Variants in PPL observed in about 807,000 individuals in gnomAD.
PPL encodes 190 kDa paraneoplastic pemphigus antigen.
In PPL, 198 loss-of-function variants were observed where a neutral mutation model predicts 194.4. The observed-to-expected ratio is 1.02, with a 90% confidence interval of 0.91 to 1.15. The LOEUF is 1.15. Among genes scored for constraint, PPL ranks in the 50% most tolerant of loss-of-function variants. The pLI, the probability that PPL is intolerant of heterozygous loss-of-function variation, is 0.00. For missense variants in PPL, 2,885 were observed against 2,294.8 expected (o/e 1.26, Z -5.25); for synonymous variants, 1,220 against 972.4 (o/e 1.25, Z -4.74).
chr16:4,890,460 C>T, intron 17 of PPL, 126 bp from the exon 18 acceptor site: 2 of 1,269,504 alleles, frequency 1.6e-6, no homozygotes, highest in Non-Finnish European at 2.1e-6. Context: ...ATCTCCCACA[C>T]AGGGTGGGTG....
chr16:4,923,483 G>A (rs1358470948), intron 1 of PPL, among the ~76,000 whole-genome samples: 1 of 152,152 alleles, frequency 6.6e-6, no homozygotes, highest in Non-Finnish European at 1.5e-5. Context: ...CAACCTTCCA[G>A]CCATCAGCGA....
chr16:4,886,153 C>A, intron 21 of PPL, 106 bp from the exon 22 acceptor site: 1 of 1,352,388 alleles, frequency 7.4e-7, no homozygotes, highest in South Asian at 1.3e-5. Flanking sequence ...CAAGGGACTC[C>A]CTCAGTGCCA....
Position 4,883,519 on chromosome 16 carries a change from G to A in PPL, c.5136C>T (p.Asp1712=). The A allele has an allele frequency of 1.9e-6, 3 of 1,614,202 alleles. No homozygotes were observed. The highest frequency in any genetic ancestry group is 2.5e-6 in the Non-Finnish European group (3 of 1,180,038). Residue 1712 remains aspartate, a synonymous_variant, in exon 22 of 22, where the codon GAC becomes GAT. Transcript: ENST00000345988. This position sits in a 1 kb window ranked among gnomAD's most constrained non-coding sequence, Gnocchi z 4.8. ...GPNGESSVIH[D]RKSGKKFSIE... Reference sequence around the variant, plus strand: ...TGGAGAACTTCTTGCCAGACTTCCTGTCGTGTATCACTGAGGACTCCCCAT... The same window carrying A: ...TGGAGAACTTCTTGCCAGACTTCCTATCGTGTATCACTGAGGACTCCCCAT...
At chr16:4,895,087 G>A (rs752326857) in intron 11 of PPL, among the ~76,000 whole-genome samples, 174 bp downstream of exon 11, 1 of 152,206 alleles carries the variant, frequency 6.6e-6, no homozygotes, top group Admixed American at 6.5e-5. Flanking sequence ...GGGCAGCCGA[G>A]GTGGGGGCGG....
At chr16:4,911,623 C>T (rs1441229408) in intron 1 of PPL, among the ~76,000 whole-genome samples, 3 of 152,216 alleles carry the variant, frequency 2.0e-5, no homozygotes, top group African/African-American at 7.2e-5. Flanking sequence ...CAGCCTCTAT[C>T]TCCCAGGCTC....
chr16:4,906,556 T>A (rs540215102), intron 2 of PPL, among the ~76,000 whole-genome samples: 1 of 152,312 alleles, frequency 6.6e-6, no homozygotes, highest in East Asian at 1.9e-4. Context: ...CACTCCATTA[T>A]CACCAGCTTC....
rs767313706 is a variant in PPL, at chr16:4,893,315, G to A, written c.1548C>T (p.Ser516=). The A allele has an allele frequency of 1.2e-5, 19 of 1,607,686 alleles. No homozygotes were observed. Among genetic ancestry groups the A allele is most frequent in the Middle Eastern group, 1.7e-4 (1 of 5,858 alleles). Residue 516 remains serine (S), a synonymous_variant, in exon 14 of 22, where the codon AGC becomes AGT. Coordinates refer to ENST00000345988, the MANE Select transcript of PPL (RefSeq NM_002705.5). Reference sequence around the variant, plus strand: ...TGGCCTTCTCCTGCCGGTCCAGGTCGCTGGCCACCTTGTCCAAGCCAGCCA... The same window carrying A: ...TGGCCTTCTCCTGCCGGTCCAGGTCACTGGCCACCTTGTCCAAGCCAGCCA... ...QLLAGLDKVA[S]DLDRQEKAIT... is the part of the protein sequence containing the mutation.
At position 4,909,481 on chromosome 16, in the gene PPL, C is replaced by T. The variant is rs977257078; in HGVS notation, c.162+1369G>A. Among the ~76,000 whole-genome samples, 3 of 147,762 alleles carry T rather than the reference C, an allele frequency of 2.0e-5. No homozygotes were observed. In the Admixed American group the frequency reaches 2.0e-4, roughly 10 times the overall value. On this transcript the variant is annotated intron_variant, in intron 2 of 21. Coordinates refer to ENST00000345988, the MANE Select transcript of PPL (RefSeq NM_002705.5). ...TTACTCTGTTGCCCAGGCTGGAGCG[C>T]AGTGGCACGATCTTGGCTCACTGCA...
intron 1 of PPL, among the ~76,000 whole-genome samples, chr16:4,922,876 T>C (rs2089078664): frequency 6.6e-6 from 1 of 152,148 alleles, no homozygotes; most frequent in Admixed American, 6.5e-5. Context: ...CCTCAGAATT[T>C]GGAACCATCT....
chr16:4,903,749 A>T (rs2084211103), intron 3 of PPL, 137 bp downstream of exon 3: 2 of 991,996 alleles, frequency 2.0e-6, no homozygotes, highest in Non-Finnish European at 3.0e-6. Flanking sequence ...GGATCATGTG[A>T]AGCCTTTGGC....
chr16:4,889,062 C>A lies in PPL; in HGVS notation c.2314-1G>T. ...TACTTGCTATCTCATCTAGCAGGTT[C>A]TGTAAGACAGAGTTTAAAAATCAAA... On this transcript the variant is annotated splice_acceptor_variant, in intron 18 of 21. Transcript: ENST00000345988. LOFTEE classifies it high-confidence loss of function. The A allele has an allele frequency of 6.2e-7, 1 of 1,612,706 alleles. No individual in the cohort carries two copies. The highest frequency in any genetic ancestry group is 1.1e-5 in the South Asian group (1 of 91,046).
chr16:4,884,691 G>A lies in PPL; in HGVS notation c.3964C>T (p.Gln1322Ter). 1 of 1,614,102 alleles carries A rather than the reference G, an allele frequency of 6.2e-7. No homozygotes were observed. The highest frequency in any genetic ancestry group is 2.2e-5 in the East Asian group (1 of 44,856). The part of the protein sequence containing the change: ...RAKLSEEQKK[Q>*]VDLERERASQ... ...GCTCTTTCCCTCTCCAGATCCACTT[G>A]TTTCTTCTGCTCCTCTGAGAGCTTT... The change falls in exon 22 of 22, where the codon CAA (glutamine) becomes TAA (stop). Residue 1322 changes from glutamine (Q) to a stop codon, truncating the protein, a stop_gained. Coordinates refer to ENST00000345988, the MANE Select transcript of PPL (RefSeq NM_002705.5). LOFTEE classifies it high-confidence loss of function. This position sits in a 1 kb window ranked among gnomAD's most constrained non-coding sequence, Gnocchi z 5.7.
chr16:4,889,229 T>TTTTTGTTG (rs1555519100), intron 18 of PPL, among the ~76,000 whole-genome samples, 168 bp from the exon 19 acceptor site: 18 of 93,520 alleles, frequency 1.9e-4, no homozygotes, highest in South Asian at 3.5e-4. Flanking sequence ...AGGCAGTTTT[T>TTTTTGTTG]TTGTTGTTGT....
At chr16:4,926,318 C>A (rs75512319) in intron 1 of PPL, among the ~76,000 whole-genome samples, 4,267 of 152,226 alleles carry the variant, frequency 0.028, 161 homozygotes, top group African/African-American at 0.087. Context: ...TCGACCCCAC[C>A]CCACCAACTC....
chr16:4,888,804 A>G lies in PPL; in HGVS notation c.2397+174T>C, dbSNP rs933581854. 8.9e-6 allele frequency: 6 copies of G among 676,084 alleles called. No individual in the cohort carries two copies. The African/African-American group carries it at 8.9e-5, about 10-fold the overall frequency. The allele number at this position is 676,084 out of a possible 1,614,324, so 41.9% of individuals were successfully genotyped here. On this transcript the variant is annotated intron_variant, in intron 19 of 21. Coordinates refer to ENST00000345988, the MANE Select transcript of PPL (RefSeq NM_002705.5). Reference sequence around the variant, plus strand: ...AACCCTTTTACAGCATTCCATGTCTAGTACCATGCTGTTTTCCCAAAAGCC... The same window carrying G: ...AACCCTTTTACAGCATTCCATGTCTGGTACCATGCTGTTTTCCCAAAAGCC...
At chr16:4,894,302 A>G (rs2734733) in intron 12 of PPL, among the ~76,000 whole-genome samples, 165 bp downstream of exon 12, 133,179 of 152,202 alleles carry the variant, frequency 0.88, 61,047 homozygotes, top group East Asian at 1. Context: ...GCTGGCCCAC[A>G]ATCTGCCCCT....
rs767387677 is a variant in PPL, at chr16:4,897,763, A to G, written c.884T>C (p.Met295Thr). ...HPGRNSIEAH[M>T]EAVHADWKEY... ...CTTCCAGTCTGCGTGCACAGCCTCC[A>G]TGTGCGCCTGCCAGGAAGAGAAGGG... The change falls in exon 9 of 22, where the codon ATG becomes ACG. Residue 295 changes from methionine to threonine, a missense_variant. Transcript: ENST00000345988. 1.2e-6 allele frequency: 2 copies of G among 1,613,286 alleles called. No individual in the cohort carries two copies. The highest frequency in any genetic ancestry group is 1.1e-5 in the South Asian group (1 of 91,032).
chr16:4,885,039 C>T lies in PPL; in HGVS notation c.3616G>A (p.Glu1206Lys), dbSNP rs774483903. The T allele has an allele frequency of 1.8e-5, 29 of 1,613,556 alleles. No homozygotes were observed. The highest frequency in any genetic ancestry group is 1.6e-4 in the Middle Eastern group (1 of 6,084). ...CTCTGGTAGCTCCGGAGCTGCTCCTCGGCACCCCGGTACTTTCGCTCCTGC... is the reference window on the plus strand; with the variant it reads ...CTCTGGTAGCTCCGGAGCTGCTCCTTGGCACCCCGGTACTTTCGCTCCTGC... The part of the protein sequence containing the change: ...VEQERKYRGA[E>K]EQLRSYQSEL... The change falls in exon 22 of 22, where the codon GAG becomes AAG. Residue 1206 changes from glutamate (E) to lysine (K), a missense_variant. Transcript: ENST00000345988. This position sits in a 1 kb window ranked among gnomAD's most constrained non-coding sequence, Gnocchi z 6.3.
chr16:4,907,072 C>T (rs1027176619), intron 2 of PPL, among the ~76,000 whole-genome samples: 1 of 125,002 alleles, frequency 8.0e-6, no homozygotes, highest in Non-Finnish European at 1.6e-5. Flanking sequence ...TAGTGAGACC[C>T]TATCTCTAAA....
Sources: gnomAD v4.1 joint callset for allele counts (sites outside exome capture counted in the v4.1 genomes callset) on GRCh38, gnomAD v4.1.1 for gene constraint, Gnocchi (gnomAD v3.1) non-coding constraint, MANE v1.5 for transcripts, NCBI Gene and HGNC (gene_info 2026-07-23, HGNC 2026-07-21) for gene names.